The following SLC5A12 variants were observed in gnomAD, a reference collection of about 807,000 sequenced individuals.
SLC5A12 encodes the protein solute carrier family 5 member 12, also known as sodium-coupled monocarboxylate transporter 2.
A neutral mutation model predicts 72.7 loss-of-function variants in SLC5A12; 46 were observed. That is an observed-to-expected ratio of 0.63 (90% CI 0.50 to 0.81). The LOEUF (loss-of-function observed/expected upper bound fraction) is 0.81. Among genes scored for constraint, SLC5A12 ranks in the 30% least tolerant of loss-of-function variants. The pLI is 0.00. For missense variants in SLC5A12, 683 were observed against 740.7 expected, an observed-to-expected ratio of 0.92 and a Z score of 0.90; for synonymous variants, 275 against 264.4, an observed-to-expected ratio of 1.04 and a Z score of -0.39.
In SLC5A12 at chr11:26,671,143, T is replaced by G; in HGVS notation, c.1816A>C (p.Lys606Gln). 1 of 1,612,896 alleles carries G rather than the reference T, an allele frequency of 6.2e-7. No individual in the cohort carries two copies. Among genetic ancestry groups the G allele is most frequent in the African/African-American group, 1.3e-5 (1 of 74,952 alleles). The change falls in exon 15 of 15, where the codon AAA (lysine) becomes CAA (glutamine). Residue 606 changes from lysine to glutamine, a missense_variant. Lys to Gln is a moderately conservative substitution (Grantham distance 53, BLOSUM62 1). Transcript: ENST00000396005. ...TCAAATGCCATATTGTTGTAGCTTTTGTCCTTAGGATCATAGCCTGGAACA... is the reference window on the plus strand; with the variant it reads ...TCAAATGCCATATTGTTGTAGCTTTGGTCCTTAGGATCATAGCCTGGAACA... ...VHVPGYDPKD[K>Q]SYNNMAFETT...
At chr11:26,717,178 T>TA (rs1047880851) in intron 1 of SLC5A12, among the ~76,000 whole-genome samples, 2 of 151,984 alleles carry the variant, frequency 1.3e-5, no homozygotes, top group Non-Finnish European at 1.5e-5. Flanking sequence ...AGCATTTACC[T>TA]AAAAAAAGTA....
chr11:26,690,406 A>C (rs1854639279), intron 9 of SLC5A12, among the ~76,000 whole-genome samples: 1 of 152,020 alleles, frequency 6.6e-6, no homozygotes, highest in Non-Finnish European at 1.5e-5. Context: ...TACAACATGA[A>C]ACATTCTTAT....
rs887857384 is a variant in SLC5A12 at position 26,668,316 on chromosome 11, C to G, written c.*2786G>C. The G allele has an allele frequency of 2.6e-5, 4 of 151,982 alleles. No homozygotes were observed. The highest frequency in any genetic ancestry group is 7.2e-5 in the African/African-American group (3 of 41,406). 9.4% of individuals were successfully genotyped at this position (151,982 alleles called of 1,614,324 possible). On this transcript the variant is annotated 3_prime_UTR_variant, in exon 15 of 15. Coordinates refer to ENST00000396005, the MANE Select transcript of SLC5A12 (RefSeq NM_178498.4). ...TATCTGTGGTTGTGCTTTAAAGGTA[C>G]AGTGGTGAGTATCAAGTTTGGAACA...
rs373160427 is a variant in SLC5A12 at position 26,678,788 on chromosome 11, C to T, written c.1503G>A (p.Ser501=). 48 of 1,612,882 alleles carry T rather than the reference C, an allele frequency of 3.0e-5. No individual in the cohort carries two copies. The highest frequency in any genetic ancestry group is 3.3e-4 in the Middle Eastern group (2 of 6,066). The stretch of plus-strand genomic sequence containing the variant: ...CTGCACTGTAGTAAAGGTAGGAGAT[C>T]GAGTACCAGGTATCAGCTATTCCAG... ...SRPGIADTWY[S]ISYLYYSAVG... Residue 501 remains serine (S), a synonymous_variant, in exon 13 of 15, where the codon TCG becomes TCA. Transcript: ENST00000396005.
At chr11:26,676,373 A>G (rs1313831410) in intron 13 of SLC5A12, among the ~76,000 whole-genome samples, 2 of 152,032 alleles carry the variant, frequency 1.3e-5, no homozygotes, top group East Asian at 1.9e-4. Flanking sequence ...AAAAAAAAAA[A>G]AAAAAGAAAA....
chr11:26,690,788 C>G (rs1443081710), intron 9 of SLC5A12, among the ~76,000 whole-genome samples: 1 of 144,770 alleles, frequency 6.9e-6, no homozygotes, highest in Admixed American at 6.8e-5. Flanking sequence ...GAGTGAAACT[C>G]TGTCTCAAAA....
In SLC5A12 at chr11:26,686,591, A is replaced by C. The variant is rs1254560002; in HGVS notation, c.1154-47T>G. 2.6e-6 allele frequency: 4 copies of C among 1,553,994 alleles called. No homozygotes were observed. In the South Asian group the frequency reaches 3.4e-5, roughly 13 times the overall value. On this transcript the variant is annotated intron_variant, in intron 9 of 14. Transcript: ENST00000396005. Reference sequence around the variant, plus strand: ...ATCATAATTTCCTGAGGGATTCCTGACTTCAAGGGATGCCTTGAGCCCCCA... The same window carrying C: ...ATCATAATTTCCTGAGGGATTCCTGCCTTCAAGGGATGCCTTGAGCCCCCA...
chr11:26,709,066 A>AT (rs531645628), intron 4 of SLC5A12: 139 of 348,784 alleles, frequency 4.0e-4, no homozygotes, highest in Middle Eastern at 3.1e-3. Flanking sequence ...TTTTCATTAG[A>AT]TTTTTTTCTT....
chr11:26,675,745 T>G (rs1373511286), intron 13 of SLC5A12, among the ~76,000 whole-genome samples: 1 of 152,126 alleles, frequency 6.6e-6, no homozygotes, highest in Non-Finnish European at 1.5e-5. Flanking sequence ...CAACCTAGAA[T>G]CCATTCCCCA....
chr11:26,697,284 TAAA>T (rs929100489), intron 7 of SLC5A12, 32 bp from the exon 8 acceptor site: 1 of 1,551,864 alleles, frequency 6.4e-7, no homozygotes. Context: ...AAAAAATAAA[TAAA>T]AAGAAGAAAG....
At chr11:26,676,359 C>CAAAACAAAAAAAA (rs1565183556) in intron 13 of SLC5A12, among the ~76,000 whole-genome samples, 1 of 108,868 alleles carries the variant, frequency 9.2e-6, no homozygotes. Context: ...TTCTAGAAAA[C>CAAAACAAAAAAAA]AAAAAAAAAA....
At chr11:26,676,359 CAAAAAAA>C (rs57064388) in intron 13 of SLC5A12, among the ~76,000 whole-genome samples, 101 of 108,922 alleles carry the variant, frequency 9.3e-4, no homozygotes, top group African/African-American at 2.8e-3. Flanking sequence ...TTCTAGAAAA[CAAAAAAA>C]AAAAAAAAAA....
chr11:26,695,902 T>G (rs1185647268), intron 8 of SLC5A12, among the ~76,000 whole-genome samples: 1 of 152,154 alleles, frequency 6.6e-6, no homozygotes, highest in Non-Finnish European at 1.5e-5. Context: ...CCTCAAACAC[T>G]CCATACAGTT....
chr11:26,681,212 C>G lies in SLC5A12; in HGVS notation c.1318G>C (p.Gly440Arg). Reference sequence around the variant, plus strand: ...AAGGTGATTCCAGTAAGAAGACCTCCTAGTGCACCCTGGATGAAGAAGAAA... The same window carrying G: ...AAGGTGATTCCAGTAAGAAGACCTCGTAGTGCACCCTGGATGAAGAAGAAA... ...FPFVNWKGAL[G>R]GLLTGITLSF... The change falls in exon 12 of 15, where the codon GGA (glycine) becomes CGA (arginine). Residue 440 changes from glycine (G) to arginine (R), a missense_variant. By Grantham distance (125) the Gly-to-Arg change is moderately radical (BLOSUM62 -2). Transcript: ENST00000396005. 2 of 1,587,714 alleles carry G rather than the reference C, an allele frequency of 1.3e-6. No homozygotes were observed. The highest frequency in any genetic ancestry group is 8.6e-7 in the Non-Finnish European group (1 of 1,168,834).
At chr11:26,697,128 C>CCAT (rs1235118082) in intron 8 of SLC5A12, 36 bp downstream of exon 8, 6 of 1,532,980 alleles carry the variant, frequency 3.9e-6, no homozygotes, top group Non-Finnish European at 4.5e-6. Context: ...GTTATCCTTT[C>CCAT]CATCATCATC....
At chr11:26,678,657 A>G (rs1590708316) in intron 13 of SLC5A12, 55 bp downstream of exon 13, 5 of 1,268,752 alleles carry the variant, frequency 3.9e-6, no homozygotes, top group Non-Finnish European at 5.7e-6. Context: ...CAGTCCACCA[A>G]TGCATGCATG....
chr11:26,706,333 G>C (rs1379529502), intron 4 of SLC5A12, among the ~76,000 whole-genome samples: 1 of 152,028 alleles, frequency 6.6e-6, no homozygotes. Context: ...AAGAGAATTA[G>C]ATCAGTAAAG....
rs973965611 is a variant in SLC5A12 at position 26,692,481 on chromosome 11, G to T, written c.1153+8C>A. On this transcript the variant is annotated splice_region_variant and intron_variant, in intron 9 of 14. Coordinates refer to ENST00000396005, the MANE Select transcript of SLC5A12 (RefSeq NM_178498.4). The stretch of plus-strand genomic sequence containing the variant: ...ATATGGAATAGAAAGTCCACCAGCT[G>T]TACCTACATAAGCCTTTACTGATCC... The T allele has an allele frequency of 1.8e-5, 29 of 1,575,530 alleles. No individual in the cohort carries two copies. The highest frequency in any genetic ancestry group is 2.5e-5 in the Non-Finnish European group (29 of 1,144,816).
Position 26,669,035 on chromosome 11 carries a change from A to C in SLC5A12, c.*2067T>G, listed in dbSNP as rs557023889. The C allele has an allele frequency of 6.8e-6, 1 of 147,386 alleles. No homozygotes were observed. Among genetic ancestry groups the C allele is most frequent in the East Asian group, 2.0e-4 (1 of 4,952 alleles). 9.1% of individuals were successfully genotyped at this position (147,386 alleles called of 1,614,324 possible). On this transcript the variant is annotated 3_prime_UTR_variant, in exon 15 of 15. Transcript: ENST00000396005. The stretch of plus-strand genomic sequence containing the variant: ...AAGTTCACAATCCTGATGTATTCCA[A>C]ATCATATTTACATATATATGTGTAC...
Sources: allele counts gnomAD v4.1 joint callset (sites outside exome capture counted in the v4.1 genomes callset), GRCh38; gene constraint gnomAD v4.1.1; transcripts MANE v1.5; gene names NCBI Gene and HGNC (gene_info 2026-07-23, HGNC 2026-07-21).